Variants in THSD7A observed in about 807,000 individuals in gnomAD.
The protein encoded by THSD7A is thrombospondin type-1 domain-containing protein 7A.
THSD7A carries 96 observed loss-of-function variants against 231.3 expected under a neutral mutation model. The observed-to-expected ratio is 0.41, with a 90% CI of 0.35 to 0.49. THSD7A has a LOEUF of 0.49. THSD7A is among the 20% of genes least tolerant of loss of function. The probability of loss-of-function intolerance (pLI) is 0.05; values close to 1 mark genes in which losing one functional copy is unlikely to be tolerated. For missense variants in THSD7A, 2,290 were observed against 2,070.2 expected, an observed-to-expected ratio of 1.11 and a Z score of -2.06; for synonymous variants, 940 against 743.3, an observed-to-expected ratio of 1.26 and a Z score of -4.30.
chr7:11,747,054 G>C (rs1782331102), intron 1 of THSD7A, among the ~76,000 whole-genome samples: 1 of 151,752 alleles, frequency 6.6e-6, no homozygotes, highest in African/African-American at 2.4e-5. Flanking sequence ...GACCTCTTTA[G>C]CTTTCTATAA....
Position 11,590,562 on chromosome 7 carries a change from G to T in THSD7A, c.1351C>A (p.Gln451Lys), listed in dbSNP as rs773594281. The change falls in exon 4 of 28, where the codon CAG becomes AAG. Residue 451 changes from glutamine (Q) to lysine (K), a missense_variant. By Grantham distance (53) the Gln-to-Lys change is moderately conservative. Coordinates refer to ENST00000423059, the MANE Select transcript of THSD7A (RefSeq NM_015204.3). This position sits in a 1 kb window ranked among gnomAD's most constrained non-coding sequence, Gnocchi z 4.4. Reference protein sequence around the residue: ...LSQQDKRRGNQTALCGGGIQT... With the variant: ...LSQQDKRRGNKTALCGGGIQT... ...ATGCCCCCTCCACAGAGGGCCGTCT[G>T]GTTGCCGCGCCTCTTGTCCTGCTGA... 6.2e-7 allele frequency: 1 copy of T among 1,613,884 alleles called. No individual in the cohort carries two copies. The highest frequency in any genetic ancestry group is 8.5e-7 in the Non-Finnish European group (1 of 1,179,818).
At chr7:11,544,504 T>G (rs1441912515) in intron 4 of THSD7A, among the ~76,000 whole-genome samples, 3 of 152,178 alleles carry the variant, frequency 2.0e-5, no homozygotes, top group Non-Finnish European at 4.4e-5. Flanking sequence ...GACTATCAAA[T>G]TCCAATTGCA....
chr7:11,668,785 C>A (rs1420633321), intron 1 of THSD7A, among the ~76,000 whole-genome samples: 1 of 152,096 alleles, frequency 6.6e-6, no homozygotes, highest in African/African-American at 2.4e-5. Context: ...GCCTTCTGTC[C>A]TGAAAGCTGT....
At chr7:11,550,060 G>T (rs970863160) in intron 4 of THSD7A, among the ~76,000 whole-genome samples, 41 of 152,142 alleles carry the variant, frequency 2.7e-4, no homozygotes, top group African/African-American at 8.0e-4. Context: ...TCTCTTCACA[G>T]ATGATATGCT....
intron 4 of THSD7A, among the ~76,000 whole-genome samples, chr7:11,589,592 G>A (rs1780072082): frequency 6.6e-6 from 1 of 152,222 alleles, no homozygotes; most frequent in East Asian, 1.9e-4. Flanking sequence ...TCCATGACAT[G>A]CAATCTGTAT....
At chr7:11,773,271 C>T (rs755391990) in intron 1 of THSD7A, among the ~76,000 whole-genome samples, 3 of 152,132 alleles carry the variant, frequency 2.0e-5, no homozygotes, top group Non-Finnish European at 4.4e-5. Flanking sequence ...CAGTGGCTCA[C>T]GCCTGTAATC....
At chr7:11,624,917 G>T (rs1201396338) in intron 2 of THSD7A, among the ~76,000 whole-genome samples, 2 of 151,882 alleles carry the variant, frequency 1.3e-5, no homozygotes, top group Non-Finnish European at 2.9e-5. Context: ...TTATTATATG[G>T]GATCCTTGAT....
At chr7:11,511,591 G>A (rs575678509) in intron 6 of THSD7A, among the ~76,000 whole-genome samples, 3 of 152,212 alleles carry the variant, frequency 2.0e-5, no homozygotes, top group Non-Finnish European at 4.4e-5. Context: ...CAGAGATATA[G>A]ACCAATGGAA....
chr7:11,709,940 A>C (rs1018895561), intron 1 of THSD7A, among the ~76,000 whole-genome samples: 1 of 150,936 alleles, frequency 6.6e-6, no homozygotes. Flanking sequence ...ATGTATGCAG[A>C]CTTGCTGACT....
intron 1 of THSD7A, among the ~76,000 whole-genome samples, chr7:11,778,156 C>CAAAAAAAAAAAAAAAAAAAAAA (rs57740181): frequency 4.2e-4 from 19 of 45,034 alleles, no homozygotes; most frequent in Admixed American, 6.4e-4. Context: ...GACTCCGTCT[C>CAAAAAAAAAAAAAAAAAAAAAA]AAAAAAAAAA....
intron 1 of THSD7A, among the ~76,000 whole-genome samples, chr7:11,653,726 C>T (rs184767114): frequency 5.9e-4 from 90 of 151,884 alleles, no homozygotes; most frequent in South Asian, 1.5e-3. Flanking sequence ...AAAGTAACCT[C>T]TTCAACAAGC....
At chr7:11,592,828 A>T (rs2128341743) in intron 3 of THSD7A, among the ~76,000 whole-genome samples, 1 of 152,264 alleles carries the variant, frequency 6.6e-6, no homozygotes, top group East Asian at 1.9e-4. Flanking sequence ...AGGTTGACAA[A>T]CTGTGGCCCA....
rs3031459 is a variant in THSD7A at position 11,651,486 on chromosome 7, ACTATCTATCTATCTAT to A, written c.191-14541_191-14526del. Among the ~76,000 whole-genome samples, 1,153 of 149,770 alleles carry A rather than the reference ACTATCTATCTATCTAT, an allele frequency of 7.7e-3. 9 individuals are homozygous for A. Among genetic ancestry groups the A allele is most frequent in the African/African-American group, 0.026 (1,051 of 40,642 alleles). On this transcript the variant is annotated intron_variant, in intron 1 of 27. Transcript: ENST00000423059. ...CCATCTATTATCTATCTATCTATCA[ACTATCTATCTATCTAT>A]CTATCTATCTATCTATCTATCTAGC...
intron 2 of THSD7A, among the ~76,000 whole-genome samples, chr7:11,598,100 A>G (rs904961058): frequency 6.6e-6 from 1 of 152,206 alleles, no homozygotes; most frequent in African/African-American, 2.4e-5. Context: ...ACCAGTGAGC[A>G]GAACTTCGAG....
At chr7:11,719,986 T>G (rs1781290780) in intron 1 of THSD7A, among the ~76,000 whole-genome samples, 1 of 151,836 alleles carries the variant, frequency 6.6e-6, no homozygotes, top group Non-Finnish European at 1.5e-5. Context: ...AGATAAGTAT[T>G]GGTTTATCTC....
intron 1 of THSD7A, among the ~76,000 whole-genome samples, chr7:11,668,156 CGGGCAT>C (rs1446411035): frequency 1.3e-5 from 2 of 152,004 alleles, no homozygotes; most frequent in East Asian, 3.9e-4. Flanking sequence ...AATGGAAGGC[CGGGCAT>C]GGTGGCTAAC....
At position 11,636,136 on chromosome 7, in the gene THSD7A, T is replaced by C; in HGVS notation, c.1016A>G (p.Asp339Gly). Residue 339 changes from aspartate (D) to glycine (G), a missense_variant, in exon 2 of 28, where the codon GAT (aspartate) becomes GGT (glycine). Physicochemically the swap from Asp to Gly is moderately conservative, Grantham distance 94. Coordinates refer to ENST00000423059, the MANE Select transcript of THSD7A (RefSeq NM_015204.3). The surrounding 1 kb of genome is among the most constrained non-coding windows in gnomAD (Gnocchi z 10.0). ...ACAGTAATTAAAATGTTACCTTAAATCAGCAGCTTTCCCCGTCTTGTTAAT... is the reference window on the plus strand; with the variant it reads ...ACAGTAATTAAAATGTTACCTTAAACCAGCAGCTTTCCCCGTCTTGTTAAT... ...MCINKTGKAADLSFCQQEKLP... is the reference protein window; with the variant it reads ...MCINKTGKAAGLSFCQQEKLP... 3 of 1,609,492 alleles carry C rather than the reference T, an allele frequency of 1.9e-6. No homozygotes were observed. The highest frequency in any genetic ancestry group is 1.1e-5 in the South Asian group (1 of 90,328).
chr7:11,717,928 T>G (rs1022752273), intron 1 of THSD7A, among the ~76,000 whole-genome samples: 1 of 151,670 alleles, frequency 6.6e-6, no homozygotes, highest in African/African-American at 2.4e-5. Context: ...TAATCCATTC[T>G]AGGATCTTTG....
chr7:11,661,355 A>G (rs1249044926), intron 1 of THSD7A, among the ~76,000 whole-genome samples: 1 of 151,372 alleles, frequency 6.6e-6, no homozygotes, highest in East Asian at 1.9e-4. Context: ...AAAATTGCTA[A>G]GAATACAAAG....
Sources: gnomAD v4.1 joint callset for allele counts (sites outside exome capture counted in the v4.1 genomes callset) on GRCh38, gnomAD v4.1.1 for gene constraint, Gnocchi (gnomAD v3.1) non-coding constraint, MANE v1.5 for transcripts, NCBI Gene and HGNC (gene_info 2026-07-23, HGNC 2026-07-21) for gene names.